The following CNTN5 variants were observed in gnomAD, a reference collection of about 807,000 sequenced individuals.
CNTN5 encodes the protein contactin 5, also known as contactin-5.
CNTN5 carries 77 observed loss-of-function variants against 129.1 expected under a neutral mutation model. The ratio of observed to expected loss-of-function variants is 0.60; its 90% confidence interval spans 0.50 to 0.72. CNTN5 has a LOEUF of 0.72. Among genes scored for constraint, CNTN5 ranks in the 30% least tolerant of loss-of-function variants. The pLI is 0.00. For synonymous variants in CNTN5, 509 were observed against 465.6 expected (o/e 1.09, Z -1.20); for missense variants, 1,478 against 1,328.8 (o/e 1.11, Z -1.75).
chr11:99,233,970 A>AAATC (rs1861138860), intron 1 of CNTN5, among the ~76,000 whole-genome samples: 1 of 151,500 alleles, frequency 6.6e-6, no homozygotes, highest in African/African-American at 2.4e-5. Flanking sequence ...ATAAATAAAT[A>AAATC]ATAATTTGTT....
intron 3 of CNTN5, among the ~76,000 whole-genome samples, chr11:99,556,582 T>TAC (rs1300513730): frequency 7.1e-6 from 1 of 140,698 alleles, no homozygotes; most frequent in Non-Finnish European, 1.5e-5. Flanking sequence ...TATATATATA[T>TAC]ATATATATAT....
chr11:99,831,553 A>G (rs1026266079), intron 4 of CNTN5, among the ~76,000 whole-genome samples: 3 of 152,228 alleles, frequency 2.0e-5, no homozygotes, highest in Non-Finnish European at 4.4e-5. Flanking sequence ...ATGTAATGGT[A>G]TCACCAAGAT....
At chr11:99,309,637 C>T (rs905433643) in intron 1 of CNTN5, among the ~76,000 whole-genome samples, 15 of 152,156 alleles carry the variant, frequency 9.9e-5, no homozygotes, top group Non-Finnish European at 8.8e-5. Context: ...CTCCAACTTC[C>T]ACTTATCAAT....
chr11:100,348,091 A>T (rs529494432), intron 23 of CNTN5, among the ~76,000 whole-genome samples: 1 of 152,104 alleles, frequency 6.6e-6, no homozygotes, highest in South Asian at 2.1e-4. Flanking sequence ...TCTTGACAAT[A>T]CATTAGACAA....
intron 22 of CNTN5, among the ~76,000 whole-genome samples, 157 bp from the exon 23 acceptor site, chr11:100,340,936 T>C (rs747230567): frequency 3.5e-4 from 53 of 152,204 alleles, no homozygotes; most frequent in Non-Finnish European, 8.8e-5. Context: ...ATGACACTCC[T>C]GGAGCAAAAC....
At chr11:99,685,670 G>C (rs756039659) in intron 3 of CNTN5, among the ~76,000 whole-genome samples, 1 of 151,944 alleles carries the variant, frequency 6.6e-6, no homozygotes, top group African/African-American at 2.4e-5. Context: ...TCTTTGGTCA[G>C]TGTTCACATG....
intron 3 of CNTN5, among the ~76,000 whole-genome samples, chr11:99,721,528 C>T (rs1297217463): frequency 6.6e-6 from 1 of 152,038 alleles, no homozygotes; most frequent in South Asian, 2.1e-4. Context: ...GCTATAAAAA[C>T]CCTGGAAGAC....
At chr11:100,210,224 T>C (rs1490794514) in intron 15 of CNTN5, among the ~76,000 whole-genome samples, 1 of 149,296 alleles carries the variant, frequency 6.7e-6, no homozygotes, top group Non-Finnish European at 1.5e-5. Context: ...TGATGGCATG[T>C]ATCTGTAGTC....
At chr11:99,284,493 A>G (rs1286367052) in intron 1 of CNTN5, among the ~76,000 whole-genome samples, 2 of 151,902 alleles carry the variant, frequency 1.3e-5, no homozygotes, top group African/African-American at 4.8e-5. Context: ...TACCTGTGAC[A>G]TATTTTCTTA....
intron 13 of CNTN5, among the ~76,000 whole-genome samples, chr11:100,103,363 C>A (rs1158409177): frequency 6.6e-6 from 1 of 152,116 alleles, no homozygotes; most frequent in South Asian, 2.1e-4. Context: ...TCTGATTTCA[C>A]GCGTGGGTAC....
intron 3 of CNTN5, among the ~76,000 whole-genome samples, chr11:99,745,639 A>G (rs1417331846): frequency 6.6e-6 from 1 of 152,152 alleles, no homozygotes; most frequent in East Asian, 1.9e-4. Context: ...ACTACTGTGG[A>G]TCCCAAAGGG....
chr11:99,574,042 C>G (rs548018993), intron 3 of CNTN5, among the ~76,000 whole-genome samples: 1 of 152,238 alleles, frequency 6.6e-6, no homozygotes, highest in East Asian at 1.9e-4. Flanking sequence ...TCTCCTAATG[C>G]TATCACTCCC....
chr11:99,372,616 G>GA (rs142651740), intron 2 of CNTN5, among the ~76,000 whole-genome samples: 5,932 of 146,104 alleles, frequency 0.041, 195 homozygotes, highest in East Asian at 0.17. Context: ...TTGAAAATGT[G>GA]AAAAAAAAAA....
intron 1 of CNTN5, among the ~76,000 whole-genome samples, chr11:99,056,515 AC>A (rs1034929898): frequency 3.9e-5 from 6 of 151,918 alleles, no homozygotes; most frequent in African/African-American, 1.4e-4. Context: ...TACTGATGCT[AC>A]CCCCAGAACT....
intron 1 of CNTN5, among the ~76,000 whole-genome samples, chr11:99,287,891 A>G (rs1194485407): frequency 1.3e-5 from 2 of 151,970 alleles, no homozygotes; most frequent in African/African-American, 2.4e-5. Context: ...GAAAGAAGAT[A>G]AATGAAAAAA....
chr11:99,777,558 T>A (rs1945167865), intron 3 of CNTN5, among the ~76,000 whole-genome samples: 1 of 151,798 alleles, frequency 6.6e-6, no homozygotes, highest in Non-Finnish European at 1.5e-5. Flanking sequence ...GAAAGCAATT[T>A]TATATAAGGT....
chr11:100,278,979 C>G (rs1950575076), intron 18 of CNTN5, among the ~76,000 whole-genome samples: 1 of 151,884 alleles, frequency 6.6e-6, no homozygotes, highest in Admixed American at 6.6e-5. Context: ...TATATTCCTT[C>G]TATACCCAGT....
chr11:99,969,196 C>T (rs894020413), intron 8 of CNTN5, among the ~76,000 whole-genome samples: 1 of 152,010 alleles, frequency 6.6e-6, no homozygotes, highest in Non-Finnish European at 1.5e-5. Context: ...GTCTTGAAAC[C>T]TTGGGAGAAT....
chr11:100,253,220 G>C (rs373991903), intron 16 of CNTN5, among the ~76,000 whole-genome samples: 55 of 152,150 alleles, frequency 3.6e-4, no homozygotes, highest in African/African-American at 1.3e-3. Context: ...AAACAGTAAA[G>C]GTCTCTGTAC....
Sources: allele counts gnomAD v4.1 joint callset (sites outside exome capture counted in the v4.1 genomes callset), GRCh38; gene constraint gnomAD v4.1.1; transcripts MANE v1.5; gene names NCBI Gene and HGNC (gene_info 2026-07-23, HGNC 2026-07-21).